The following CSMD3 variants were observed in gnomAD, a reference collection of about 807,000 sequenced individuals.
CSMD3 encodes CUB and Sushi multiple domains 3, also known as CUB and sushi domain-containing protein 3.
CSMD3 carries 177 observed loss-of-function variants against 435.2 expected under a neutral mutation model. The ratio of observed to expected loss-of-function variants is 0.41; its 90% CI spans 0.36 to 0.46. The LOEUF is 0.46. CSMD3 is among the 20% of genes least tolerant of loss of function. The pLI is 0.34. For missense variants in CSMD3, 4,265 were observed against 4,504.6 expected, an observed-to-expected ratio of 0.95 and a Z score of 1.52; for synonymous variants, 1,656 against 1,520.5, an observed-to-expected ratio of 1.09 and a Z score of -2.07.
intron 3 of CSMD3, among the ~76,000 whole-genome samples, chr8:113,175,747 A>G (rs2131900611): frequency 6.6e-6 from 1 of 152,202 alleles, no homozygotes. Flanking sequence ...GAATATAGTA[A>G]TAACAAAGGA....
intron 32 of CSMD3, among the ~76,000 whole-genome samples, chr8:112,441,661 A>G (rs1325663065): frequency 6.6e-6 from 1 of 152,214 alleles, no homozygotes; most frequent in African/African-American, 2.4e-5. Context: ...GAAATTTACA[A>G]TCATGGCAGA....
At chr8:112,798,651 G>A (rs2078884755) in intron 13 of CSMD3, among the ~76,000 whole-genome samples, 2 of 151,846 alleles carry the variant, frequency 1.3e-5, no homozygotes, top group Admixed American at 6.6e-5. Flanking sequence ...CAGCAGAGGG[G>A]AGAACTGTGT....
At chr8:113,104,417 T>A (rs2090418272) in intron 4 of CSMD3, among the ~76,000 whole-genome samples, 1 of 152,142 alleles carries the variant, frequency 6.6e-6, no homozygotes, top group Non-Finnish European at 1.5e-5. Flanking sequence ...TATTTAAATA[T>A]TACACTGTCA....
chr8:112,516,637 T>C (rs1823700364), intron 28 of CSMD3, among the ~76,000 whole-genome samples: 1 of 152,154 alleles, frequency 6.6e-6, no homozygotes. Context: ...AATTCTGACA[T>C]AGGTTCTGAC....
intron 8 of CSMD3, among the ~76,000 whole-genome samples, chr8:112,948,394 A>G (rs2083688944): frequency 1.3e-5 from 2 of 152,044 alleles, no homozygotes; most frequent in South Asian, 4.1e-4. Flanking sequence ...CAGTGGTGCA[A>G]ATTACTAGGC....
intron 13 of CSMD3, among the ~76,000 whole-genome samples, chr8:112,734,982 A>G (rs1193140149): frequency 6.6e-6 from 1 of 151,986 alleles, no homozygotes; most frequent in African/African-American, 2.4e-5. Flanking sequence ...TAGTAGGAAG[A>G]GCTCATTGGA....
chr8:112,306,052 A>C lies in CSMD3; in HGVS notation c.8026T>G (p.Ser2676Ala), dbSNP rs1821390649. The C allele has an allele frequency of 1.2e-6, 2 of 1,613,896 alleles. No individual in the cohort carries two copies. Among genetic ancestry groups the C allele is most frequent in the Non-Finnish European group, 1.7e-6 (2 of 1,179,848 alleles). Residue 2676 changes from serine (S) to alanine (A), a missense_variant, in exon 51 of 71, where the codon TCA becomes GCA. Coordinates refer to ENST00000297405, the MANE Select transcript of CSMD3 (RefSeq NM_198123.2). ...TTATGATTGCTCCATGTTCCATCTG[A>C]TTGGCATACAGCTGTAGTGAGTTCT... ...SKELTTAVCQ[S>A]DGTWSNHNKT...
intron 1 of CSMD3, among the ~76,000 whole-genome samples, chr8:113,401,588 A>C (rs2094510334): frequency 6.6e-6 from 1 of 151,688 alleles, no homozygotes; most frequent in Non-Finnish European, 1.5e-5. Flanking sequence ...TTTAAAAATA[A>C]AATTTCAATC....
intron 22 of CSMD3, among the ~76,000 whole-genome samples, chr8:112,636,259 G>T (rs2074654247): frequency 6.6e-6 from 1 of 151,928 alleles, no homozygotes; most frequent in Non-Finnish European, 1.5e-5. Context: ...TGAATGAATA[G>T]CTCTCTTAAT....
Position 112,265,548 on chromosome 8 carries a change from C to A in CSMD3, c.9551G>T (p.Arg3184Ile), listed in dbSNP as rs2130415010. 1 of 1,613,608 alleles carries A rather than the reference C, an allele frequency of 6.2e-7. No individual in the cohort carries two copies. The highest frequency in any genetic ancestry group is 8.5e-7 in the Non-Finnish European group (1 of 1,179,610). Residue 3184 changes from arginine (R) to isoleucine (I), a missense_variant, in exon 60 of 71, where the codon AGA (arginine) becomes ATA (isoleucine). Arg to Ile is a moderately conservative substitution (Grantham distance 97, BLOSUM62 -3). Around this residue, in one of 3 missense-constraint regions of CSMD3, gnomAD observed 3,255 missense variants for 3,380.2 expected, o/e 0.96. Transcript: ENST00000297405. ...GDPGIPANGL[R>I]YGDDYVVGQN... Reference sequence around the variant, plus strand: ...TCCAACCACATAATCATCTCCATATCTCAGTCCATTGGCTGGTATACCTGG... The same window carrying A: ...TCCAACCACATAATCATCTCCATATATCAGTCCATTGGCTGGTATACCTGG...
At chr8:113,296,243 A>G (rs1476677096) in intron 2 of CSMD3, among the ~76,000 whole-genome samples, 1 of 151,666 alleles carries the variant, frequency 6.6e-6, no homozygotes, top group East Asian at 1.9e-4. Flanking sequence ...ACATGTATAC[A>G]TATGTAACAA....
chr8:112,296,039 C>G (rs2130717515), intron 53 of CSMD3, 33 bp from the exon 54 acceptor site: 1 of 1,534,984 alleles, frequency 6.5e-7, no homozygotes, highest in Non-Finnish European at 9.0e-7. Context: ...ATTTTTAATA[C>G]TGTGATTTGT....
At chr8:112,904,527 A>G (rs2082200619) in intron 10 of CSMD3, among the ~76,000 whole-genome samples, 1 of 151,462 alleles carries the variant, frequency 6.6e-6, no homozygotes, top group African/African-American at 2.4e-5. Flanking sequence ...CTTACTTAGG[A>G]GAGCTACTGG....
chr8:112,268,580 C>T (rs1817175336), intron 59 of CSMD3, among the ~76,000 whole-genome samples: 1 of 152,152 alleles, frequency 6.6e-6, no homozygotes, highest in Admixed American at 6.5e-5. Flanking sequence ...TATACATAGA[C>T]ATGCATAACA....
intron 4 of CSMD3, among the ~76,000 whole-genome samples, chr8:113,135,918 A>C (rs2091406576): frequency 6.6e-6 from 1 of 151,812 alleles, no homozygotes; most frequent in Non-Finnish European, 1.5e-5. Context: ...TTTAACTAAA[A>C]TCTCCGAGTT....
At chr8:112,405,244 T>TATATATAC (rs1554668933) in intron 35 of CSMD3, among the ~76,000 whole-genome samples, 17 of 83,324 alleles carry the variant, frequency 2.0e-4, no homozygotes, top group African/African-American at 4.7e-4. Context: ...TATATATATA[T>TATATATAC]ATACATATAT....
chr8:112,557,497 C>A (rs899447846), intron 24 of CSMD3, among the ~76,000 whole-genome samples: 5 of 151,878 alleles, frequency 3.3e-5, no homozygotes, highest in Non-Finnish European at 7.4e-5. Context: ...CAGTGCCGTC[C>A]CCATGGCCGG....
At chr8:112,956,510 C>G (rs981509787) in intron 7 of CSMD3, among the ~76,000 whole-genome samples, 1 of 152,038 alleles carries the variant, frequency 6.6e-6, no homozygotes, top group African/African-American at 2.4e-5. Flanking sequence ...CTTTTCTCTG[C>G]ATTATAAGAT....
chr8:112,764,438 A>G (rs1218584896), intron 13 of CSMD3, among the ~76,000 whole-genome samples: 1 of 151,564 alleles, frequency 6.6e-6, no homozygotes, highest in East Asian at 1.9e-4. Flanking sequence ...TTACATTTTA[A>G]CTAAAAGTAA....
Sources: allele counts gnomAD v4.1 joint callset (sites outside exome capture counted in the v4.1 genomes callset), GRCh38; gene constraint gnomAD v4.1.1; regional missense constraint gnomAD v4.1.1; transcripts MANE v1.5; gene names NCBI Gene and HGNC (gene_info 2026-07-23, HGNC 2026-07-21).